CRIM1: variants seen among roughly 807,000 people sequenced by gnomAD.
CRIM1 encodes cysteine rich transmembrane BMP regulator 1.
A neutral mutation model predicts 116.4 loss-of-function variants in CRIM1; 32 were observed. The observed-to-expected ratio is 0.27, with a 90% CI of 0.21 to 0.37. CRIM1 has a LOEUF of 0.37. Ranked by LOEUF, CRIM1 falls within the 10% of genes least tolerant of loss-of-function variation. CRIM1 has a pLI of 1.00. For missense variants in CRIM1, 1,331 were observed against 1,354.8 expected (o/e 0.98, Z 0.28); for synonymous variants, 590 against 509.2 (o/e 1.16, Z -2.13).
At chr2:36,489,435 T>C (rs1680067186) in intron 7 of CRIM1, among the ~76,000 whole-genome samples, 1 of 152,198 alleles carries the variant, frequency 6.6e-6, no homozygotes, top group South Asian at 2.1e-4. Context: ...GCCATAAATC[T>C]CTCATCCTTT....
chr2:36,359,445 T>A (rs1007840830), intron 1 of CRIM1, among the ~76,000 whole-genome samples: 1 of 152,192 alleles, frequency 6.6e-6, no homozygotes. Context: ...TTAACTGCAG[T>A]TCACAAAATG....
intron 1 of CRIM1, among the ~76,000 whole-genome samples, chr2:36,389,903 G>A (rs536431981): frequency 6.6e-6 from 1 of 152,154 alleles, no homozygotes; most frequent in South Asian, 2.1e-4. Flanking sequence ...TAGCACAGGG[G>A]GCTATATCTG....
intron 1 of CRIM1, chr2:36,378,425 C>G (rs1670481718): frequency 4.2e-6 from 2 of 471,070 alleles, no homozygotes; most frequent in Non-Finnish European, 4.4e-6. Context: ...AAATGGTCCC[C>G]CAAATGGTCC....
chr2:36,529,747 T>A (rs1310785862), intron 13 of CRIM1, among the ~76,000 whole-genome samples: 1 of 152,204 alleles, frequency 6.6e-6, no homozygotes, highest in Admixed American at 6.5e-5. Flanking sequence ...TTGGTGAGAT[T>A]TCTTTTTGTA....
intron 13 of CRIM1, among the ~76,000 whole-genome samples, chr2:36,522,528 G>C (rs1466905961): frequency 6.6e-6 from 1 of 152,142 alleles, no homozygotes; most frequent in Admixed American, 6.5e-5. Flanking sequence ...GAGGCCAGGA[G>C]TGGTGGCTCA....
At chr2:36,415,218 G>C (rs777635768) in intron 2 of CRIM1, among the ~76,000 whole-genome samples, 2 of 152,102 alleles carry the variant, frequency 1.3e-5, no homozygotes, top group Non-Finnish European at 2.9e-5. Context: ...TCCTAAGATG[G>C]GTAAGACTGG....
intron 5 of CRIM1, among the ~76,000 whole-genome samples, chr2:36,467,857 C>T (rs1172293390): frequency 6.6e-6 from 1 of 152,196 alleles, no homozygotes; most frequent in African/African-American, 2.4e-5. Context: ...GATGGGACAA[C>T]TGTCTCTCTA....
intron 4 of CRIM1, among the ~76,000 whole-genome samples, chr2:36,443,417 T>C (rs1676009038): frequency 6.6e-6 from 1 of 152,180 alleles, no homozygotes; most frequent in Non-Finnish European, 1.5e-5. Context: ...TGGGGAAGAC[T>C]GTTCTTGGAA....
chr2:36,528,084 C>G (rs1289147732), intron 13 of CRIM1, among the ~76,000 whole-genome samples: 1 of 152,118 alleles, frequency 6.6e-6, no homozygotes, highest in Non-Finnish European at 1.5e-5. Context: ...TGCAAAAATA[C>G]TTTATAAACA....
chr2:36,545,188 A>G (rs774729502), intron 15 of CRIM1, among the ~76,000 whole-genome samples: 6 of 152,086 alleles, frequency 3.9e-5, no homozygotes, highest in Non-Finnish European at 5.9e-5. Flanking sequence ...TATATAACTT[A>G]TATTTCTTTT....
intron 13 of CRIM1, among the ~76,000 whole-genome samples, chr2:36,522,770 C>G (rs1459958355): frequency 1.4e-5 from 2 of 147,130 alleles, no homozygotes; most frequent in African/African-American, 5.0e-5. Flanking sequence ...CCACTGCACT[C>G]CAGCCTGGGT....
chr2:36,362,821 G>A (rs1032898380), intron 1 of CRIM1, among the ~76,000 whole-genome samples: 3 of 152,110 alleles, frequency 2.0e-5, no homozygotes, highest in African/African-American at 7.2e-5. Context: ...AAGTGAACAG[G>A]TATCAATTCC....
chr2:36,517,377 G>T lies in CRIM1; in HGVS notation c.2041G>T (p.Ala681Ser). The change falls in exon 12 of 17, where the codon GCC becomes TCC. Residue 681 changes from alanine (A) to serine (S), a missense_variant. Transcript: ENST00000280527. The stretch of plus-strand genomic sequence containing the variant: ...GCTCAGTACTCCCTCCATTTGCCAC[G>T]CCCCTGGAGGAGAATACTTTGTGGA... ...PELSTPSICH[A>S]PGGEYFVEGE... 1.2e-6 allele frequency: 2 copies of T among 1,614,162 alleles called. No individual in the cohort carries two copies. Among genetic ancestry groups the T allele is most frequent in the Non-Finnish European group, 1.7e-6 (2 of 1,180,022 alleles).
chr2:36,374,683 A>C (rs181691980), intron 1 of CRIM1, among the ~76,000 whole-genome samples: 1 of 152,280 alleles, frequency 6.6e-6, no homozygotes, highest in Admixed American at 6.5e-5. Flanking sequence ...GAAAGGAAAA[A>C]AAATTCTATT....
intron 2 of CRIM1, among the ~76,000 whole-genome samples, chr2:36,423,407 A>G (rs1030359252): frequency 5.3e-5 from 8 of 152,218 alleles, no homozygotes; most frequent in African/African-American, 1.9e-4. Flanking sequence ...CTGCTCAGCT[A>G]CTCAAGTACC....
At chr2:36,521,613 A>C (rs1394880032) in intron 12 of CRIM1, among the ~76,000 whole-genome samples, 1 of 152,236 alleles carries the variant, frequency 6.6e-6, no homozygotes, top group African/African-American at 2.4e-5. Context: ...CTATCAAGGC[A>C]GGAATAATGT....
Position 36,496,529 on chromosome 2 carries a change from C to T in CRIM1, c.1373-2690C>T, listed in dbSNP as rs533306999. On this transcript the variant is annotated intron_variant, in intron 7 of 16. Coordinates refer to ENST00000280527, the MANE Select transcript of CRIM1 (RefSeq NM_016441.3). ...ATTTTTTGCTTCTTGCATGCTACAG[C>T]GTTGAGGCTTGGAAGGTATCCCATG... is the stretch of plus-strand genomic sequence containing the variant. 1.4e-3 allele frequency among the ~76,000 whole-genome samples: 213 copies of T among 152,240 alleles called. 1 individual carries two copies. Among genetic ancestry groups the T allele is most frequent in the African/African-American group, 5.1e-3 (210 of 41,548 alleles).
chr2:36,540,149 A>C (rs1365299092), intron 14 of CRIM1, among the ~76,000 whole-genome samples: 1 of 152,154 alleles, frequency 6.6e-6, no homozygotes, highest in East Asian at 1.9e-4. Context: ...AGGAAAGAGT[A>C]AACTGCTCAA....
At chr2:36,487,711 A>G (rs1679933947) in intron 7 of CRIM1, among the ~76,000 whole-genome samples, 1 of 152,198 alleles carries the variant, frequency 6.6e-6, no homozygotes, top group African/African-American at 2.4e-5. Context: ...TTTAACATGA[A>G]CAGCATTTTG....
Sources: allele counts gnomAD v4.1 joint callset (sites outside exome capture counted in the v4.1 genomes callset), GRCh38; gene constraint gnomAD v4.1.1; transcripts MANE v1.5; gene names NCBI Gene and HGNC (gene_info 2026-07-23, HGNC 2026-07-21).